GFPT1: variants seen among roughly 807,000 people sequenced by gnomAD.
GFPT1 encodes the protein glutamine--fructose-6-phosphate transaminase 1.
In GFPT1, 40 loss-of-function variants were observed where a neutral mutation model predicts 92.0. That is an observed-to-expected ratio of 0.43 (90% CI 0.34 to 0.57). The LOEUF is 0.57. Ranked by LOEUF, GFPT1 falls within the 20% of genes least tolerant of loss-of-function variation. The probability of loss-of-function intolerance (pLI) is 0.02; values close to 1 mark genes in which losing one functional copy is unlikely to be tolerated. For missense variants in GFPT1, 448 were observed against 869.1 expected (o/e 0.52, Z 6.09); for synonymous variants, 269 against 280.6 (o/e 0.96, Z 0.41).
chr2:69,355,824 A>G (rs1471490368), intron 7 of GFPT1, among the ~76,000 whole-genome samples: 1 of 152,180 alleles, frequency 6.6e-6, no homozygotes, highest in Non-Finnish European at 1.5e-5. Context: ...TGATGGTACA[A>G]TTATCTAGGA....
At position 69,322,476 on chromosome 2, in the gene GFPT1, TA is replaced by T. The variant is rs1200189855; in HGVS notation, c.*3712del. On this transcript the variant is annotated 3_prime_UTR_variant, in exon 20 of 20. Transcript: ENST00000357308. ...TTGGTTTCCTTTCTTTGAAGAATAA[TA>T]GAAATAAATGTCAGAGGAGTATTAC... The T allele has an allele frequency of 6.6e-6, 1 of 151,900 alleles. No individual in the cohort carries two copies. The highest frequency in any genetic ancestry group is 2.4e-5 in the African/African-American group (1 of 41,378). 9.4% of individuals were successfully genotyped at this position (151,900 alleles called of 1,614,324 possible).
At chr2:69,375,305 G>A (rs557629002) in intron 1 of GFPT1, among the ~76,000 whole-genome samples, 2 of 152,238 alleles carry the variant, frequency 1.3e-5, no homozygotes, top group African/African-American at 4.8e-5. Context: ...TTCATAAGAA[G>A]TTTAAATTAA....
At chr2:69,363,016 C>A (rs1040704350) in intron 4 of GFPT1, among the ~76,000 whole-genome samples, 1 of 151,816 alleles carries the variant, frequency 6.6e-6, no homozygotes, top group African/African-American at 2.4e-5. Flanking sequence ...GAGGCCGAGA[C>A]GGGAGGATCA....
intron 15 of GFPT1, among the ~76,000 whole-genome samples, chr2:69,332,064 T>C (rs2104605097): frequency 6.6e-6 from 1 of 152,152 alleles, no homozygotes; most frequent in East Asian, 1.9e-4. Context: ...TGTTCCTTTT[T>C]ATTTTTTTAA....
At chr2:69,374,766 C>T (rs756114176) in intron 1 of GFPT1, among the ~76,000 whole-genome samples, 27 of 152,084 alleles carry the variant, frequency 1.8e-4, no homozygotes, top group Non-Finnish European at 3.4e-4. Flanking sequence ...GTAATTTAAG[C>T]AACATATATA....
chr2:69,369,962 G>GAAGGGGA (rs777704750), intron 3 of GFPT1, 39 bp downstream of exon 3: 1 of 1,130,264 alleles, frequency 8.8e-7, no homozygotes, highest in Non-Finnish European at 1.4e-6. Context: ...AAAAGGAAGA[G>GAAGGGGA]AAGGGGAAAG....
intron 1 of GFPT1, among the ~76,000 whole-genome samples, chr2:69,379,885 A>AT (rs1247038085): frequency 6.6e-6 from 1 of 151,526 alleles, no homozygotes; most frequent in Non-Finnish European, 1.5e-5. Flanking sequence ...ACGCCCAGTT[A>AT]TTTTTTTATT....
chr2:69,348,111 G>T, intron 11 of GFPT1, 60 bp downstream of exon 11: 1 of 1,258,092 alleles, frequency 7.9e-7, no homozygotes, highest in Non-Finnish European at 1.2e-6. Flanking sequence ...GCTAGGAAAG[G>T]AAGTAGAATA....
intron 4 of GFPT1, among the ~76,000 whole-genome samples, chr2:69,359,529 C>G (rs1671418795): frequency 6.6e-6 from 1 of 152,078 alleles, no homozygotes; most frequent in South Asian, 2.1e-4. Context: ...TGTGGCATAG[C>G]TGAAGCAAAC....
intron 15 of GFPT1, among the ~76,000 whole-genome samples, chr2:69,336,628 C>T (rs1474251282): frequency 1.5e-5 from 2 of 133,830 alleles, no homozygotes; most frequent in South Asian, 2.4e-4. Flanking sequence ...ATAGTGAGAC[C>T]CCATCTTAAA....
At chr2:69,336,078 C>T (rs368354802) in intron 15 of GFPT1, among the ~76,000 whole-genome samples, 13 of 151,296 alleles carry the variant, frequency 8.6e-5, no homozygotes, top group African/African-American at 3.1e-4. Flanking sequence ...GTGGCTCATG[C>T]CTGTAATTCC....
chr2:69,378,198 G>T lies in GFPT1; in HGVS notation c.8-4085C>A, dbSNP rs1284384686. On this transcript the variant is annotated intron_variant, in intron 1 of 19. Coordinates refer to ENST00000357308, the MANE Select transcript of GFPT1 (RefSeq NM_001244710.2). ...TTTTTGTATTTTTAGTAGAGATGGGGTTTCGCCATGTTGGCTAGGCTGGTC... is the reference window on the plus strand; with the variant it reads ...TTTTTGTATTTTTAGTAGAGATGGGTTTTCGCCATGTTGGCTAGGCTGGTC... Among the ~76,000 whole-genome samples the T allele has an allele frequency of 4.6e-5, 7 of 152,258 alleles. No homozygotes were observed. The East Asian group carries it at 5.8e-4, about 13-fold the overall frequency.
intron 12 of GFPT1, 126 bp from the exon 13 acceptor site, chr2:69,342,375 C>A: frequency 1.4e-6 from 1 of 709,936 alleles, no homozygotes; most frequent in South Asian, 1.6e-5. Flanking sequence ...TAATATTCCT[C>A]TTGGAAAGCA....
chr2:69,370,188 T>C, intron 2 of GFPT1, 80 bp from the exon 3 acceptor site: 1 of 821,156 alleles, frequency 1.2e-6, no homozygotes, highest in Non-Finnish European at 2.2e-6. Flanking sequence ...AAATTTTTAA[T>C]TAAAAAATAC....
intron 1 of GFPT1, among the ~76,000 whole-genome samples, chr2:69,384,758 G>A: frequency 1.4e-5 from 2 of 142,054 alleles, no homozygotes; most frequent in Admixed American, 7.1e-5. Context: ...AAGAAAGAGA[G>A]AGAAAGAAGA....
chr2:69,362,456 T>G (rs139795315), intron 4 of GFPT1, among the ~76,000 whole-genome samples: 11 of 152,182 alleles, frequency 7.2e-5, no homozygotes, highest in Middle Eastern at 3.4e-3. Flanking sequence ...TGTAAATATT[T>G]TAAATAATTA....
At chr2:69,346,096 A>C in intron 11 of GFPT1, 97 bp from the exon 12 acceptor site, 1 of 744,984 alleles carries the variant, frequency 1.3e-6, no homozygotes, top group South Asian at 1.5e-5. Context: ...CTTGGTAAAT[A>C]AAATATAACA....
At chr2:69,343,059 T>C (rs1235743507) in intron 12 of GFPT1, among the ~76,000 whole-genome samples, 1 of 152,210 alleles carries the variant, frequency 6.6e-6, no homozygotes. Flanking sequence ...TCTCTTACAG[T>C]GATCCTTTAA....
intron 12 of GFPT1, among the ~76,000 whole-genome samples, chr2:69,344,725 C>G (rs1671042542): frequency 6.6e-6 from 1 of 151,642 alleles, no homozygotes; most frequent in Admixed American, 6.6e-5. Context: ...CTCACTGCAG[C>G]CTCGATCTAC....
Sources: gnomAD v4.1 joint callset for allele counts (sites outside exome capture counted in the v4.1 genomes callset) on GRCh38, gnomAD v4.1.1 for gene constraint, MANE v1.5 for transcripts, NCBI Gene and HGNC (gene_info 2026-07-23, HGNC 2026-07-21) for gene names.